The following ATP11B variants were observed in gnomAD, a reference collection of about 807,000 sequenced individuals.
ATP11B encodes ATPase phospholipid transporting 11B (putative).
A neutral mutation model predicts 157.8 loss-of-function variants in ATP11B; 81 were observed. That is an observed-to-expected ratio of 0.51 (90% CI 0.43 to 0.62). ATP11B has a LOEUF of 0.62. Among genes scored for constraint, ATP11B ranks in the 20% least tolerant of loss-of-function variants. ATP11B has a pLI of 0.00. For synonymous variants in ATP11B, 451 were observed against 469.4 expected (o/e 0.96, Z 0.51); for missense variants, 1,165 against 1,402.2 (o/e 0.83, Z 2.70).
chr3:182,800,054 G>C (rs895243644), intron 1 of ATP11B, among the ~76,000 whole-genome samples: 2 of 151,958 alleles, frequency 1.3e-5, no homozygotes, highest in East Asian at 3.9e-4. Context: ...AGGCGGCAGT[G>C]AGCTATGATT....
At chr3:182,865,988 A>G (rs1160467884) in intron 13 of ATP11B, among the ~76,000 whole-genome samples, 1 of 152,188 alleles carries the variant, frequency 6.6e-6, no homozygotes, top group Non-Finnish European at 1.5e-5. Context: ...TGAAAAATAG[A>G]GCTTAAATTT....
rs1004243358 is a variant in ATP11B at position 182,920,294 on chromosome 3, G to C, written c.*2190G>C. Reference sequence around the variant, plus strand: ...AAAAAAGTAAATGGCAACCACTAGTGTGCTCATCCTGAACTGTTACTCCAA... The same window carrying C: ...AAAAAAGTAAATGGCAACCACTAGTCTGCTCATCCTGAACTGTTACTCCAA... On this transcript the variant is annotated 3_prime_UTR_variant, in exon 30 of 30. Transcript: ENST00000323116. The C allele has an allele frequency of 6.6e-6, 1 of 152,198 alleles. No individual in the cohort carries two copies. The highest frequency in any genetic ancestry group is 2.1e-4 in the South Asian group (1 of 4,830). The allele number at this position is 152,198 out of a possible 1,614,324, so 9.4% of individuals were successfully genotyped here.
At chr3:182,884,604 C>A in intron 21 of ATP11B, 149 bp from the exon 22 acceptor site, 1 of 616,670 alleles carries the variant, frequency 1.6e-6, no homozygotes. Context: ...TTAAGTAGAA[C>A]AACCTTTTGG....
intron 1 of ATP11B, among the ~76,000 whole-genome samples, chr3:182,800,727 T>G (rs1715944130): frequency 6.6e-6 from 1 of 152,016 alleles, no homozygotes; most frequent in Admixed American, 6.6e-5. Flanking sequence ...CTTAAAATTG[T>G]ACAATTTTTA....
chr3:182,842,880 C>G (rs1413949306), intron 8 of ATP11B, among the ~76,000 whole-genome samples: 2 of 152,130 alleles, frequency 1.3e-5, no homozygotes, highest in African/African-American at 4.8e-5. Flanking sequence ...TACTAGAATC[C>G]CATTCAGTTG....
intron 19 of ATP11B, among the ~76,000 whole-genome samples, chr3:182,874,273 T>C (rs1190737283): frequency 1.3e-5 from 2 of 152,206 alleles, no homozygotes; most frequent in African/African-American, 4.8e-5. Flanking sequence ...TACCAATGAG[T>C]GCTTTTACAC....
chr3:182,814,034 T>C (rs766506392), intron 1 of ATP11B, among the ~76,000 whole-genome samples: 3 of 152,072 alleles, frequency 2.0e-5, no homozygotes, highest in Non-Finnish European at 4.4e-5. Context: ...CTGACATTTA[T>C]TTTTAGTGAT....
intron 1 of ATP11B, among the ~76,000 whole-genome samples, chr3:182,803,076 G>GTTTA (rs763340513): frequency 1.3e-5 from 2 of 152,000 alleles, no homozygotes; most frequent in East Asian, 3.8e-4. Context: ...GACTATTATT[G>GTTTA]TTTATTTATT....
At chr3:182,894,356 T>G (rs187000711) in intron 25 of ATP11B, among the ~76,000 whole-genome samples, 55 of 152,286 alleles carry the variant, frequency 3.6e-4, no homozygotes, top group Non-Finnish European at 6.0e-4. Flanking sequence ...CAGGCTAATT[T>G]TGTATTTTTA....
intron 12 of ATP11B, among the ~76,000 whole-genome samples, chr3:182,864,638 TTATA>T (rs1721092175): frequency 6.6e-6 from 1 of 152,116 alleles, no homozygotes; most frequent in South Asian, 2.1e-4. Flanking sequence ...ATAACCCTTT[TTATA>T]TGTTTCTGGA....
intron 1 of ATP11B, among the ~76,000 whole-genome samples, chr3:182,800,242 G>A (rs1401213515): frequency 6.6e-6 from 1 of 150,746 alleles, no homozygotes; most frequent in Non-Finnish European, 1.5e-5. Context: ...TTTTTTTTGA[G>A]ATAAGGCCTC....
rs2108601250 is a variant in ATP11B at position 182,918,072 on chromosome 3, ACT to A, written c.3508_3509del (p.Ser1170HisfsTer12). The part of the protein sequence containing the change: ...PFYTNDRSIL[T>X]LSTMDSSTC The stretch of plus-strand genomic sequence containing the variant: ...CTATACCAACGACAGGAGCATCTTG[ACT>A]CTCTCCACAATGGACTCATCTACTT... On this transcript the variant is annotated frameshift_variant, in exon 30 of 30. Transcript: ENST00000323116. LOFTEE classifies it high-confidence loss of function. 1.2e-5 allele frequency: 19 copies of A among 1,613,140 alleles called. No individual in the cohort carries two copies. Among genetic ancestry groups the A allele is most frequent in the Non-Finnish European group, 1.3e-5 (15 of 1,179,440 alleles).
At chr3:182,901,837 T>C (rs1723989398) in intron 28 of ATP11B, among the ~76,000 whole-genome samples, 1 of 152,240 alleles carries the variant, frequency 6.6e-6, no homozygotes, top group African/African-American at 2.4e-5. Context: ...AAAATTGATT[T>C]AGTCTATTTG....
At chr3:182,829,511 G>C (rs1347560209) in intron 3 of ATP11B, among the ~76,000 whole-genome samples, 161 bp from the exon 4 acceptor site, 1 of 152,188 alleles carries the variant, frequency 6.6e-6, no homozygotes, top group African/African-American at 2.4e-5. Context: ...ATAGGCAATA[G>C]ATTTAAATAG....
intron 4 of ATP11B, chr3:182,833,838 C>G (rs1457421623): frequency 1.3e-5 from 2 of 152,138 alleles, no homozygotes; most frequent in African/African-American, 2.4e-5. Context: ...GGCAAAGGCC[C>G]AAGTGCAAGA....
intron 1 of ATP11B, among the ~76,000 whole-genome samples, chr3:182,808,708 G>A (rs1716475502): frequency 6.6e-6 from 1 of 151,936 alleles, no homozygotes; most frequent in African/African-American, 2.4e-5. Context: ...TTGTTTTTGA[G>A]TAATTTTTTT....
chr3:182,915,122 A>G (rs1172561120), intron 29 of ATP11B: 2 of 984,882 alleles, frequency 2.0e-6, no homozygotes, highest in Non-Finnish European at 2.4e-6. Flanking sequence ...AATGATGAGT[A>G]TGATATCATT....
chr3:182,890,100 C>T (rs543940375), intron 25 of ATP11B, among the ~76,000 whole-genome samples: 19 of 152,124 alleles, frequency 1.2e-4, no homozygotes, highest in African/African-American at 2.4e-4. Context: ...GCCACTTTTC[C>T]GAAGCATGAA....
At chr3:182,826,610 C>T (rs1717738695) in intron 2 of ATP11B, among the ~76,000 whole-genome samples, 1 of 152,164 alleles carries the variant, frequency 6.6e-6, no homozygotes, top group Admixed American at 6.5e-5. Context: ...AACATACTTC[C>T]CATCCTCAGA....
Sources: allele counts gnomAD v4.1 joint callset (sites outside exome capture counted in the v4.1 genomes callset), GRCh38; gene constraint gnomAD v4.1.1; transcripts MANE v1.5; gene names NCBI Gene and HGNC (gene_info 2026-07-23, HGNC 2026-07-21).